The following TTLL7 variants were observed in gnomAD, a reference collection of about 807,000 sequenced individuals.
TTLL7 encodes the protein tubulin tyrosine ligase like 7, also known as tubulin polyglutamylase TTLL7.
TTLL7 carries 53 observed loss-of-function variants against 120.2 expected under a neutral mutation model. The ratio of observed to expected loss-of-function variants is 0.44; its 90% CI spans 0.35 to 0.55. TTLL7 has a LOEUF of 0.55. TTLL7 is among the 20% of genes least tolerant of loss of function. TTLL7 has a pLI of 0.00. For missense variants in TTLL7, 803 were observed against 1,054.7 expected, an observed-to-expected ratio of 0.76 and a Z score of 3.31; for synonymous variants, 353 against 351.7, an observed-to-expected ratio of 1.00 and a Z score of -0.04.
At chr1:83,964,077 T>C (rs1450922248) in intron 1 of TTLL7, among the ~76,000 whole-genome samples, 2 of 152,146 alleles carry the variant, frequency 1.3e-5, no homozygotes, top group African/African-American at 4.8e-5. Flanking sequence ...TTAATTTCTT[T>C]GGAAAGAAAC....
chr1:83,972,867 A>G (rs761282407), intron 1 of TTLL7, among the ~76,000 whole-genome samples: 1 of 151,944 alleles, frequency 6.6e-6, no homozygotes, highest in Admixed American at 6.6e-5. Flanking sequence ...ATCTCTATAT[A>G]TCTTCTTTAG....
chr1:83,996,731 G>A (rs1294424984), intron 1 of TTLL7, among the ~76,000 whole-genome samples: 1 of 152,166 alleles, frequency 6.6e-6, no homozygotes, highest in Non-Finnish European at 1.5e-5. Flanking sequence ...TGTAGTCATT[G>A]GACAGAGGAG....
chr1:83,984,907 G>A (rs557863977), intron 1 of TTLL7, among the ~76,000 whole-genome samples: 1 of 152,060 alleles, frequency 6.6e-6, no homozygotes, highest in Admixed American at 6.5e-5. Context: ...AACTGCATAT[G>A]TACCCCTTGT....
At chr1:83,998,502 G>A (rs1171220594) in intron 1 of TTLL7, among the ~76,000 whole-genome samples, 1 of 152,230 alleles carries the variant, frequency 6.6e-6, no homozygotes, top group Non-Finnish European at 1.5e-5. Flanking sequence ...TCACTCGCAT[G>A]TGCGAAAAGG....
At chr1:83,912,714 A>C (rs530206122) in intron 14 of TTLL7, among the ~76,000 whole-genome samples, 3 of 152,192 alleles carry the variant, frequency 2.0e-5, no homozygotes, top group Non-Finnish European at 4.4e-5. Context: ...GCAAAGGATG[A>C]AAAATAACCA....
At chr1:83,871,116 A>C (rs1653350245) in intron 20 of TTLL7, among the ~76,000 whole-genome samples, 1 of 151,284 alleles carries the variant, frequency 6.6e-6, no homozygotes, top group Non-Finnish European at 1.5e-5. Context: ...TCCAGGTTCA[A>C]GCGATTCTCT....
At chr1:83,917,810 G>C in intron 13 of TTLL7, 120 bp from the exon 14 acceptor site, 1 of 661,154 alleles carries the variant, frequency 1.5e-6, no homozygotes, top group Non-Finnish European at 2.6e-6. Flanking sequence ...AGTGAAGATT[G>C]CTCAGAAAAA....
intron 9 of TTLL7, 32 bp downstream of exon 9, chr1:83,933,576 T>C (rs199965154): frequency 3.1e-6 from 5 of 1,602,770 alleles, no homozygotes; most frequent in Admixed American, 3.4e-5. Flanking sequence ...AGGACAGTGA[T>C]AACTCTTCTT....
At chr1:83,918,377 G>C (rs537271827) in intron 13 of TTLL7, among the ~76,000 whole-genome samples, 3 of 152,070 alleles carry the variant, frequency 2.0e-5, no homozygotes, top group African/African-American at 4.8e-5. Flanking sequence ...AGGACAATAC[G>C]AGTATAATAG....
chr1:83,998,865 C>T, intron 1 of TTLL7, 66 bp downstream of exon 1: 1 of 346,934 alleles, frequency 2.9e-6, no homozygotes, highest in South Asian at 2.1e-5. Context: ...AGGGCCAGGG[C>T]GGAGCCTTTG....
intron 4 of TTLL7, chr1:83,949,650 T>A: frequency 2.0e-6 from 1 of 491,744 alleles, no homozygotes. Context: ...CTATTGATTC[T>A]TCCCTAAAGA....
In TTLL7 at chr1:83,974,325, A is replaced by G. The variant is rs143235102; in HGVS notation, c.-176-21938T>C. 2.3e-4 allele frequency among the ~76,000 whole-genome samples: 35 copies of G among 152,082 alleles called. No homozygotes were observed. The East Asian group carries it at 5.8e-3, about 25-fold the overall frequency. ...ACTAGGAAGCAAACCAAAGACTACG[A>G]CAAAATTAGTAAATTCTTATTTAAG... is the stretch of plus-strand genomic sequence containing the variant. On this transcript the variant is annotated intron_variant, in intron 1 of 20. Coordinates refer to ENST00000260505, the MANE Select transcript of TTLL7 (RefSeq NM_024686.6).
intron 20 of TTLL7, among the ~76,000 whole-genome samples, chr1:83,870,906 T>C (rs1404672508): frequency 1.4e-5 from 2 of 146,138 alleles, no homozygotes; most frequent in South Asian, 2.2e-4. Flanking sequence ...TGAGACTTCA[T>C]CTCAAAAAAA....
chr1:83,957,901 G>A (rs1571308980), intron 1 of TTLL7, among the ~76,000 whole-genome samples: 1 of 152,130 alleles, frequency 6.6e-6, no homozygotes, highest in African/African-American at 2.4e-5. Flanking sequence ...CCAGAACTGT[G>A]AGAAATAAAT....
chr1:83,942,053 C>T (rs185806123), intron 7 of TTLL7, among the ~76,000 whole-genome samples: 5 of 152,272 alleles, frequency 3.3e-5, no homozygotes, highest in Admixed American at 3.3e-4. Flanking sequence ...ACAAAGCCTG[C>T]TCAAATGCCA....
At chr1:83,948,848 A>G in intron 4 of TTLL7, 153 bp from the exon 5 acceptor site, 1 of 520,750 alleles carries the variant, frequency 1.9e-6, no homozygotes, top group Non-Finnish European at 3.3e-6. Context: ...CCTACAGTGA[A>G]TTTGTAGAAT....
intron 14 of TTLL7, among the ~76,000 whole-genome samples, chr1:83,915,868 C>G (rs1208921717): frequency 1.3e-5 from 2 of 152,188 alleles, no homozygotes; most frequent in African/African-American, 4.8e-5. Flanking sequence ...GACATTTATG[C>G]AGTCAAAAGA....
chr1:83,898,759 A>G lies in TTLL7; in HGVS notation c.2208+5320T>C, dbSNP rs566158698. ...TTAAATATATGTATATAAATAAATC[A>G]GCTAAACACATTTAAATTTGTTCCA... is the stretch of plus-strand genomic sequence containing the variant. On this transcript the variant is annotated intron_variant, in intron 18 of 20. Transcript: ENST00000260505. Among the ~76,000 whole-genome samples the G allele has an allele frequency of 2.6e-5, 4 of 152,004 alleles. No homozygotes were observed. In the South Asian group the frequency reaches 6.2e-4, roughly 24 times the overall value.
At chr1:83,886,734 C>T (rs1655007008) in intron 19 of TTLL7, among the ~76,000 whole-genome samples, 1 of 151,204 alleles carries the variant, frequency 6.6e-6, no homozygotes, top group African/African-American at 2.4e-5. Flanking sequence ...CCAAACCATG[C>T]ATTCCTTCTC....
Sources: gnomAD v4.1 joint callset for allele counts (sites outside exome capture counted in the v4.1 genomes callset) on GRCh38, gnomAD v4.1.1 for gene constraint, MANE v1.5 for transcripts, NCBI Gene and HGNC (gene_info 2026-07-23, HGNC 2026-07-21) for gene names.